The following SLC9A9 variants were observed in gnomAD, a reference collection of about 807,000 sequenced individuals.
The protein encoded by SLC9A9 is sodium/hydrogen exchanger 9.
Under a neutral mutation model 77.8 loss-of-function variants are expected in SLC9A9, and 62 were observed. That is an observed-to-expected ratio of 0.80 (90% CI 0.65 to 0.98). SLC9A9 has a LOEUF of 0.98. Ranked by LOEUF, SLC9A9 falls within the 50% of genes least tolerant of loss-of-function variation. The pLI is 0.00. For missense variants in SLC9A9, 775 were observed against 774.9 expected (o/e 1.00, Z 0.00); for synonymous variants, 320 against 283.5 (o/e 1.13, Z -1.29).
At chr3:143,548,694 A>G (rs1364021017) in intron 9 of SLC9A9, among the ~76,000 whole-genome samples, 1 of 152,190 alleles carries the variant, frequency 6.6e-6, no homozygotes, top group Admixed American at 6.5e-5. Flanking sequence ...GCGATGTTAC[A>G]TGTGTTTTCA....
Position 143,363,483 on chromosome 3 carries a change from C to A in SLC9A9, c.1604+1G>T. ...GTGAGATCGTTATTATCAAAGGATA[C>A]TTGTGGTCAAAGCTATACCACATTC... On this transcript the variant is annotated splice_donor_variant, in intron 14 of 15. Coordinates refer to ENST00000316549, the MANE Select transcript of SLC9A9 (RefSeq NM_173653.4). LOFTEE classifies it high-confidence loss of function. 1 of 1,611,848 alleles carries A rather than the reference C, an allele frequency of 6.2e-7. No homozygotes were observed. Among genetic ancestry groups the A allele is most frequent in the Non-Finnish European group, 8.5e-7 (1 of 1,178,256 alleles).
chr3:143,445,906 GTATCAAGAC>G (rs2034833011), intron 12 of SLC9A9, among the ~76,000 whole-genome samples: 2 of 152,102 alleles, frequency 1.3e-5, no homozygotes, highest in Admixed American at 1.3e-4. Flanking sequence ...GCTGAGGGGA[GTATCAAGAC>G]TAACAAGAAC....
At chr3:143,558,189 G>A (rs1428547469) in intron 8 of SLC9A9, among the ~76,000 whole-genome samples, 1 of 152,208 alleles carries the variant, frequency 6.6e-6, no homozygotes, top group Non-Finnish European at 1.5e-5. Context: ...CTAGATTTCA[G>A]AGGATGTATG....
intron 4 of SLC9A9, among the ~76,000 whole-genome samples, chr3:143,733,765 T>A: frequency 6.6e-6 from 1 of 151,804 alleles, no homozygotes; most frequent in East Asian, 1.9e-4. Context: ...GATCTAGCCT[T>A]GAACTGTAGA....
chr3:143,811,771 A>G, intron 2 of SLC9A9: 1 of 452,630 alleles, frequency 2.2e-6, no homozygotes, highest in Non-Finnish European at 4.4e-6. Context: ...CTAAGGCACG[A>G]GAATCGCATG....
chr3:143,509,920 C>T (rs1054751147), intron 9 of SLC9A9, among the ~76,000 whole-genome samples: 18 of 152,170 alleles, frequency 1.2e-4, no homozygotes, highest in Non-Finnish European at 1.8e-4. Flanking sequence ...TAAATGCTGA[C>T]GCTTAGTAAG....
At position 143,283,324 on chromosome 3, in the gene SLC9A9, G is replaced by A. The variant is rs185942145; in HGVS notation, c.1605-14344C>T. ...GTGGGCACTGGGCTGGACACTGGAA[G>A]GAAAGGTGGGAAAAACAGCAGCCAT... On this transcript the variant is annotated intron_variant, in intron 14 of 15. Transcript: ENST00000316549. Among the ~76,000 whole-genome samples, 5 of 152,298 alleles carry A rather than the reference G, an allele frequency of 3.3e-5. No homozygotes were observed. The East Asian group carries it at 9.6e-4, about 29-fold the overall frequency.
At chr3:143,301,403 A>G (rs1343529392) in intron 14 of SLC9A9, among the ~76,000 whole-genome samples, 1 of 152,208 alleles carries the variant, frequency 6.6e-6, no homozygotes, top group Non-Finnish European at 1.5e-5. Context: ...AGAGGGCGGA[A>G]ATGATTTTTT....
intron 4 of SLC9A9, among the ~76,000 whole-genome samples, chr3:143,782,840 A>G (rs750835541): frequency 1.5e-4 from 23 of 152,348 alleles, no homozygotes; most frequent in Admixed American, 7.8e-4. Context: ...ATGGAAAGAA[A>G]TAGTACATGA....
intron 6 of SLC9A9, among the ~76,000 whole-genome samples, chr3:143,613,824 T>G (rs2038060672): frequency 6.6e-6 from 1 of 152,182 alleles, no homozygotes; most frequent in Admixed American, 6.5e-5. Context: ...TTCTTTCTAC[T>G]GCTAAATTGC....
chr3:143,846,653 A>T (rs921202782), intron 1 of SLC9A9, among the ~76,000 whole-genome samples: 1 of 152,074 alleles, frequency 6.6e-6, no homozygotes, highest in Non-Finnish European at 1.5e-5. Context: ...CAGGAGTTGG[A>T]GACCAGCCTG....
chr3:143,761,793 A>G (rs1000319654), intron 4 of SLC9A9, among the ~76,000 whole-genome samples: 78 of 152,220 alleles, frequency 5.1e-4, no homozygotes, highest in African/African-American at 1.8e-3. Context: ...CGATTCCTCA[A>G]TGATCTAGAA....
chr3:143,464,812 T>C (rs1238176026), intron 12 of SLC9A9, among the ~76,000 whole-genome samples: 1 of 152,214 alleles, frequency 6.6e-6, no homozygotes, highest in East Asian at 1.9e-4. Flanking sequence ...CTGATGTTCA[T>C]TCAAGTTTGA....
At chr3:143,738,105 G>A (rs74507647) in intron 4 of SLC9A9, among the ~76,000 whole-genome samples, 1,746 of 152,298 alleles carry the variant, frequency 0.011, 27 homozygotes, top group African/African-American at 0.039. Flanking sequence ...TATGCTGCAT[G>A]CAATTTATAT....
At chr3:143,531,430 G>C (rs1220710774) in intron 9 of SLC9A9, among the ~76,000 whole-genome samples, 1 of 152,196 alleles carries the variant, frequency 6.6e-6, no homozygotes, top group African/African-American at 2.4e-5. Flanking sequence ...TTCACATGAG[G>C]GAGAGAAGAA....
chr3:143,753,137 G>A (rs1490960059), intron 4 of SLC9A9, among the ~76,000 whole-genome samples: 1 of 152,176 alleles, frequency 6.6e-6, no homozygotes, highest in Non-Finnish European at 1.5e-5. Flanking sequence ...GGAGCAGAAT[G>A]GCTCCAAGAA....
In SLC9A9 at chr3:143,660,625, G is replaced by A. The variant is rs576805885; in HGVS notation, c.650-8265C>T. Among the ~76,000 whole-genome samples, 11 of 152,244 alleles carry A rather than the reference G, an allele frequency of 7.2e-5. No homozygotes were observed. The East Asian group carries it at 1.9e-3, about 27-fold the overall frequency. On this transcript the variant is annotated intron_variant, in intron 5 of 15. Coordinates refer to ENST00000316549, the MANE Select transcript of SLC9A9 (RefSeq NM_173653.4). The stretch of plus-strand genomic sequence containing the variant: ...TGCTGTCTTAATCCGCTAAGTTTGC[G>A]GTAATTTCTCATAGCAGTTCTAGCA...
At chr3:143,681,710 C>T (rs1258873572) in intron 5 of SLC9A9, among the ~76,000 whole-genome samples, 1 of 152,190 alleles carries the variant, frequency 6.6e-6, no homozygotes, top group Non-Finnish European at 1.5e-5. Context: ...GACCAGTCTT[C>T]CTCCCTCAGG....
chr3:143,723,187 T>C (rs1298225875), intron 4 of SLC9A9, among the ~76,000 whole-genome samples: 2 of 152,024 alleles, frequency 1.3e-5, no homozygotes, highest in Non-Finnish European at 2.9e-5. Context: ...AAAAATAATA[T>C]GTCTCCCTGG....
Sources: gnomAD v4.1 joint callset for allele counts (sites outside exome capture counted in the v4.1 genomes callset) on GRCh38, gnomAD v4.1.1 for gene constraint, MANE v1.5 for transcripts, NCBI Gene and HGNC (gene_info 2026-07-23, HGNC 2026-07-21) for gene names.